The following GRID2 variants were observed in gnomAD, a reference collection of about 807,000 sequenced individuals.
GRID2 encodes the protein glutamate ionotropic receptor delta type subunit 2, also known as glutamate receptor ionotropic, delta-2.
A neutral mutation model predicts 114.8 loss-of-function variants in GRID2; 33 were observed. That is an observed-to-expected ratio of 0.29 (90% CI 0.22 to 0.38). The LOEUF (loss-of-function observed/expected upper bound fraction) is 0.38, where lower values mean the gene tolerates loss of function less well. Ranked by LOEUF, GRID2 falls within the 10% of genes least tolerant of loss-of-function variation. The pLI, the probability that GRID2 is intolerant of heterozygous loss-of-function variation, is 1.00. For missense variants in GRID2, 1,184 were observed against 1,257.7 expected, an observed-to-expected ratio of 0.94 and a Z score of 0.89; for synonymous variants, 505 against 449.9, an observed-to-expected ratio of 1.12 and a Z score of -1.55.
At chr4:92,671,836 TCA>T (rs1733089215) in intron 2 of GRID2, among the ~76,000 whole-genome samples, 1 of 152,158 alleles carries the variant, frequency 6.6e-6, no homozygotes, top group African/African-American at 2.4e-5. Context: ...ATATCAGTTC[TCA>T]GATATTTGAA....
At chr4:93,316,424 GAAGA>G (rs1217066279) in intron 8 of GRID2, among the ~76,000 whole-genome samples, 3 of 151,722 alleles carry the variant, frequency 2.0e-5, no homozygotes, top group African/African-American at 4.8e-5. Flanking sequence ...AAGAATGAAA[GAAGA>G]AAGAAAAAAG....
chr4:92,920,427 A>G (rs1288199267), intron 2 of GRID2, among the ~76,000 whole-genome samples: 1 of 152,260 alleles, frequency 6.6e-6, no homozygotes, highest in East Asian at 1.9e-4. Context: ...TAGTTGATGC[A>G]GTTTCTTCCT....
chr4:93,590,388 G>A (rs929374760), intron 13 of GRID2, among the ~76,000 whole-genome samples: 22 of 149,428 alleles, frequency 1.5e-4, no homozygotes, highest in African/African-American at 4.9e-4. Flanking sequence ...TATTTCTGAG[G>A]GCTCTGTTCT....
At chr4:92,891,432 A>G (rs1746775838) in intron 2 of GRID2, among the ~76,000 whole-genome samples, 1 of 152,212 alleles carries the variant, frequency 6.6e-6, no homozygotes, top group Non-Finnish European at 1.5e-5. Context: ...AAGTAGAAAG[A>G]GAAGTCCTGG....
intron 5 of GRID2, among the ~76,000 whole-genome samples, chr4:93,211,588 T>A (rs1184519829): frequency 6.6e-6 from 1 of 152,094 alleles, no homozygotes; most frequent in Non-Finnish European, 1.5e-5. Context: ...AAACTTAGGT[T>A]TTCTACTGTG....
At chr4:92,896,374 G>A (rs1747166127) in intron 2 of GRID2, among the ~76,000 whole-genome samples, 3 of 152,028 alleles carry the variant, frequency 2.0e-5, no homozygotes, top group African/African-American at 2.4e-5. Context: ...AGCATACCAG[G>A]GAATTTTGGT....
chr4:93,751,379 G>T (rs1034224797), intron 14 of GRID2, among the ~76,000 whole-genome samples: 5 of 152,078 alleles, frequency 3.3e-5, no homozygotes, highest in Non-Finnish European at 7.4e-5. Context: ...AAGTTAATTG[G>T]TGTTGCTTTT....
intron 8 of GRID2, among the ~76,000 whole-genome samples, chr4:93,280,791 TATA>T (rs1204388859): frequency 7.2e-5 from 11 of 152,116 alleles, no homozygotes; most frequent in African/African-American, 2.4e-4. Context: ...ATTATTCAAA[TATA>T]ATAATATTGC....
At chr4:93,038,995 T>A (rs189428419) in intron 2 of GRID2, among the ~76,000 whole-genome samples, 1 of 152,164 alleles carries the variant, frequency 6.6e-6, no homozygotes, top group East Asian at 1.9e-4. Context: ...TATAAATCAT[T>A]CTATGATAAA....
intron 2 of GRID2, among the ~76,000 whole-genome samples, chr4:92,616,449 T>C (rs1730008223): frequency 6.6e-6 from 1 of 151,564 alleles, no homozygotes; most frequent in South Asian, 2.1e-4. Context: ...ATGATCTGTC[T>C]AGGAATGGAT....
intron 9 of GRID2, among the ~76,000 whole-genome samples, chr4:93,422,393 T>G (rs1768376396): frequency 6.6e-6 from 1 of 152,166 alleles, no homozygotes; most frequent in Non-Finnish European, 1.5e-5. Context: ...TTATTGGATG[T>G]AATTTACATG....
intron 14 of GRID2, among the ~76,000 whole-genome samples, chr4:93,657,940 T>C (rs969972458): frequency 1.3e-5 from 2 of 152,208 alleles, no homozygotes; most frequent in African/African-American, 4.8e-5. Context: ...GGAACTTCAT[T>C]TGTACTGAGT....
chr4:93,553,923 T>C (rs1275293846), intron 13 of GRID2, among the ~76,000 whole-genome samples: 2 of 152,194 alleles, frequency 1.3e-5, no homozygotes, highest in East Asian at 3.8e-4. Flanking sequence ...TTATTATCTG[T>C]TTGAAAAATG....
chr4:93,570,235 G>A (rs1346885877), intron 13 of GRID2, among the ~76,000 whole-genome samples: 2 of 152,118 alleles, frequency 1.3e-5, no homozygotes, highest in Non-Finnish European at 1.5e-5. Flanking sequence ...CTGAGCTCTT[G>A]GTCATGTGTT....
rs540940600 is a variant in GRID2 at position 92,937,646 on chromosome 4, T to C, written c.245-147349T>C. Among the ~76,000 whole-genome samples, 3 of 147,142 alleles carry C rather than the reference T, an allele frequency of 2.0e-5. 1 individual carries two copies. The highest frequency in any genetic ancestry group is 3.0e-5 in the Non-Finnish European group (2 of 66,396). ...ATTTGAAGGGCAAATTACCCTGTTA[T>C]ATTATTTTTCATAATTGTTTTAGCT... On this transcript the variant is annotated intron_variant, in intron 2 of 15. Transcript: ENST00000282020.
At chr4:92,426,471 T>C (rs1184123553) in intron 1 of GRID2, among the ~76,000 whole-genome samples, 1 of 152,116 alleles carries the variant, frequency 6.6e-6, no homozygotes, top group Non-Finnish European at 1.5e-5. Context: ...CCATTTTAAA[T>C]GACAGCAGCA....
chr4:93,510,335 A>T (rs1036169841), intron 12 of GRID2, among the ~76,000 whole-genome samples: 4 of 152,196 alleles, frequency 2.6e-5, no homozygotes, highest in Non-Finnish European at 1.5e-5. Flanking sequence ...GAAGATGGAG[A>T]TGGGACAGAG....
intron 2 of GRID2, among the ~76,000 whole-genome samples, chr4:92,689,180 T>A (rs1182029338): frequency 6.6e-6 from 1 of 152,190 alleles, no homozygotes; most frequent in Non-Finnish European, 1.5e-5. Flanking sequence ...CAAAATAGAT[T>A]TAGCATAATT....
chr4:93,590,035 T>A (rs1333526458), intron 13 of GRID2, among the ~76,000 whole-genome samples: 1 of 150,622 alleles, frequency 6.6e-6, no homozygotes, highest in Non-Finnish European at 1.5e-5. Context: ...TTTCTTTTGC[T>A]GTGCAGAAGC....
Sources: allele counts gnomAD v4.1 joint callset (sites outside exome capture counted in the v4.1 genomes callset), GRCh38; gene constraint gnomAD v4.1.1; transcripts MANE v1.5; gene names NCBI Gene and HGNC (gene_info 2026-07-23, HGNC 2026-07-21).